Variants in RHOU observed in about 807,000 individuals in gnomAD.
RHOU encodes the protein ras homolog family member U.
Under a neutral mutation model 12.6 loss-of-function variants are expected in RHOU, and 8 were observed. The ratio of observed to expected loss-of-function variants is 0.64; its 90% confidence interval spans 0.37 to 1.15. The LOEUF is 1.15. Among genes scored for constraint, RHOU ranks in the 50% most tolerant of loss-of-function variants. RHOU has a pLI of 0.01. For synonymous variants in RHOU, 161 were observed against 147.4 expected (o/e 1.09, Z -0.67); for missense variants, 258 against 347.0 (o/e 0.74, Z 2.04).
Position 228,735,950 on chromosome 1 carries a change from A to ACCACCAACGGCTACC in RHOU, c.214_228dup (p.Asn72_Thr76dup). On this transcript the variant is annotated inframe_insertion, in exon 1 of 3. Transcript: ENST00000366691. This position sits in a 1 kb window ranked among gnomAD's most constrained non-coding sequence, Gnocchi z 8.1. ...CAAGACGAGCCTGGTGGTGAGCTAC[A>ACCACCAACGGCTACC]CCACCAACGGCTACCCCACCGAGTA... The ACCACCAACGGCTACC allele has an allele frequency of 1.9e-6, 3 of 1,579,316 alleles. No individual in the cohort carries two copies. Among genetic ancestry groups the ACCACCAACGGCTACC allele is most frequent in the Non-Finnish European group, 2.6e-6 (3 of 1,166,962 alleles).
the RHOU span, among the ~76,000 whole-genome samples, chr1:228,656,615 A>C: frequency 6.6e-6 from 1 of 152,234 alleles, no homozygotes; most frequent in African/African-American, 2.4e-5. Flanking sequence ...TATAAATTCA[A>C]ATTTGAGTGT....
the RHOU span, among the ~76,000 whole-genome samples, chr1:228,708,061 A>T: frequency 2.0e-5 from 3 of 152,228 alleles, no homozygotes; most frequent in Non-Finnish European, 4.4e-5. Context: ...GGTATAAGTG[A>T]TGGAAGATGA....
the RHOU span, among the ~76,000 whole-genome samples, chr1:228,703,276 C>T: frequency 6.6e-6 from 1 of 152,072 alleles, no homozygotes; most frequent in African/African-American, 2.4e-5. Flanking sequence ...TCTGTAATCC[C>T]AGCACTTTGG....
chr1:228,746,173 G>C lies in RHOU; in HGVS notation c.*2433G>C, dbSNP rs1662831104. ...ATAGTAAAGGTACGATTATACTTGA[G>C]ATTTTCCTCCATTTTTATTTCTTCG... On this transcript the variant is annotated 3_prime_UTR_variant, in exon 3 of 3. Transcript: ENST00000366691. The C allele has an allele frequency of 6.6e-6, 1 of 152,200 alleles. No homozygotes were observed. Among genetic ancestry groups the C allele is most frequent in the Admixed American group, 6.5e-5 (1 of 15,282 alleles). The allele number at this position is 152,200 out of a possible 1,614,324, so 9.4% of individuals were successfully genotyped here.
chr1:228,718,307 G>C, the RHOU span, among the ~76,000 whole-genome samples: 1 of 152,324 alleles, frequency 6.6e-6, no homozygotes, highest in Non-Finnish European at 1.5e-5. Context: ...TTTAAGGACA[G>C]ATGGAATCTA....
chr1:228,676,429 T>C, the RHOU span, among the ~76,000 whole-genome samples: 2 of 152,082 alleles, frequency 1.3e-5, no homozygotes, highest in African/African-American at 4.8e-5. Context: ...GAGGCTGAGA[T>C]GGGAGGACTG....
the RHOU span, among the ~76,000 whole-genome samples, chr1:228,676,642 G>A: frequency 6.6e-5 from 10 of 152,208 alleles, no homozygotes; most frequent in African/African-American, 2.4e-4. Flanking sequence ...GTGCAGGCAG[G>A]CTGAGTCTGA....
chr1:228,734,190 CTTT>C (rs5781517), upstream of RHOU, among the ~76,000 whole-genome samples: 3 of 147,276 alleles, frequency 2.0e-5, no homozygotes, highest in African/African-American at 5.0e-5. Context: ...GATTAAAATA[CTTT>C]TTTTTTTTTC....
intron 1 of RHOU, among the ~76,000 whole-genome samples, chr1:228,736,989 A>T (rs542949327): frequency 7.2e-6 from 1 of 139,818 alleles, no homozygotes; most frequent in East Asian, 2.3e-4. Flanking sequence ...AAACAATTAG[A>T]AAGTTGTGTA....
the RHOU span, among the ~76,000 whole-genome samples, chr1:228,729,529 C>A: frequency 6.6e-6 from 1 of 152,152 alleles, no homozygotes; most frequent in Non-Finnish European, 1.5e-5. Flanking sequence ...AGGGTATGCA[C>A]ACACAGAAAT....
chr1:228,660,070 C>A, the RHOU span, among the ~76,000 whole-genome samples: 1 of 151,842 alleles, frequency 6.6e-6, no homozygotes, highest in Non-Finnish European at 1.5e-5. Context: ...AGGAGGATCA[C>A]TTGAACCTGG....
the RHOU span, among the ~76,000 whole-genome samples, chr1:228,679,520 G>T: frequency 6.6e-6 from 1 of 151,902 alleles, no homozygotes; most frequent in Non-Finnish European, 1.5e-5. Flanking sequence ...GAGAATATAT[G>T]GGTTTGGCAC....
the RHOU span, chr1:228,650,160 C>T: frequency 2.0e-5 from 9 of 455,280 alleles, no homozygotes; most frequent in Admixed American, 9.5e-5. Context: ...AGCTGCACTG[C>T]GGTTAGGGCC....
At chr1:228,676,553 A>C in the RHOU span, among the ~76,000 whole-genome samples, 1 of 152,070 alleles carries the variant, frequency 6.6e-6, no homozygotes, top group Admixed American at 6.6e-5. Flanking sequence ...ATCTCTCTCT[A>C]TATATTGTCA....
chr1:228,647,209 T>G, the RHOU span, among the ~76,000 whole-genome samples: 1 of 152,122 alleles, frequency 6.6e-6, no homozygotes, highest in Non-Finnish European at 1.5e-5. Context: ...GAGACGGGTT[T>G]TTTCTTGGAT....
chr1:228,743,520 A>T lies in RHOU; in HGVS notation c.557A>T (p.Glu186Val), dbSNP rs940386739. 8.1e-6 allele frequency: 13 copies of T among 1,614,088 alleles called. No homozygotes were observed. Among genetic ancestry groups the T allele is most frequent in the Non-Finnish European group, 1.1e-5 (13 of 1,180,056 alleles). Residue 186 changes from glutamate to valine, a missense_variant, in exon 3 of 3, where the codon GAG becomes GTG. Coordinates refer to ENST00000366691, the MANE Select transcript of RHOU (RefSeq NM_021205.6). The surrounding 1 kb of genome is among the most constrained non-coding windows in gnomAD (Gnocchi z 5.1). Reference protein sequence around the residue: ...DKCKEKPVPEEAAKLCAEEIK... With the variant: ...DKCKEKPVPEVAAKLCAEEIK... Reference sequence around the variant, plus strand: ...TGCAAAGAAAAGCCAGTGCCTGAAGAGGCGGCTAAGCTGTGCGCCGAGGAA... The same window carrying T: ...TGCAAAGAAAAGCCAGTGCCTGAAGTGGCGGCTAAGCTGTGCGCCGAGGAA...
At chr1:228,736,668 C>A (rs1662619019) in intron 1 of RHOU, among the ~76,000 whole-genome samples, 2 of 152,300 alleles carry the variant, frequency 1.3e-5, no homozygotes, top group East Asian at 3.9e-4. Flanking sequence ...TTTCAGGATC[C>A]CTTTAAGCTA....
the RHOU span, among the ~76,000 whole-genome samples, chr1:228,654,502 G>T: frequency 6.6e-6 from 1 of 152,186 alleles, no homozygotes; most frequent in Non-Finnish European, 1.5e-5. Flanking sequence ...CATTAAAACT[G>T]CAAACCAGAA....
chr1:228,658,936 C>T, the RHOU span, among the ~76,000 whole-genome samples: 1 of 152,190 alleles, frequency 6.6e-6, no homozygotes, highest in Non-Finnish European at 1.5e-5. Context: ...TATAAATGCA[C>T]CCTTGCAGTT....
Sources: gnomAD v4.1 joint callset for allele counts (sites outside exome capture counted in the v4.1 genomes callset) on GRCh38, gnomAD v4.1.1 for gene constraint, Gnocchi (gnomAD v3.1) non-coding constraint, MANE v1.5 for transcripts, NCBI Gene and HGNC (gene_info 2026-07-23, HGNC 2026-07-21) for gene names.